ATP8A2: variants seen among roughly 807,000 people sequenced by gnomAD.
The protein encoded by ATP8A2 is ATPase phospholipid transporting 8A2.
ATP8A2 carries 100 observed loss-of-function variants against 165.6 expected under a neutral mutation model. The ratio of observed to expected loss-of-function variants is 0.60; its 90% CI spans 0.51 to 0.71. The LOEUF (loss-of-function observed/expected upper bound fraction) is 0.71. Among genes scored for constraint, ATP8A2 ranks in the 30% least tolerant of loss-of-function variants. ATP8A2 has a pLI of 0.00. For missense variants in ATP8A2, 1,227 were observed against 1,479.5 expected, an observed-to-expected ratio of 0.83 and a Z score of 2.80; for synonymous variants, 543 against 548.8, an observed-to-expected ratio of 0.99 and a Z score of 0.15.
chr13:25,404,866 T>G (rs1038974574), intron 1 of ATP8A2, among the ~76,000 whole-genome samples: 1 of 151,276 alleles, frequency 6.6e-6, no homozygotes, highest in Admixed American at 6.6e-5. Flanking sequence ...GATGGAAGAG[T>G]AGCCCTGGGA....
intron 35 of ATP8A2, among the ~76,000 whole-genome samples, chr13:26,009,406 C>G (rs1262773366): frequency 6.6e-6 from 1 of 152,228 alleles, no homozygotes; most frequent in Non-Finnish European, 1.5e-5. Context: ...CAGCTCTGCC[C>G]TGCACTGAGG....
intron 30 of ATP8A2, among the ~76,000 whole-genome samples, chr13:25,857,762 G>C (rs1022474135): frequency 1.3e-5 from 2 of 151,648 alleles, no homozygotes; most frequent in African/African-American, 4.8e-5. Context: ...GTAGAGACAG[G>C]GTTTCACCAT....
At chr13:25,912,466 ATATAT>A (rs1309953255) in intron 33 of ATP8A2, among the ~76,000 whole-genome samples, 3 of 152,132 alleles carry the variant, frequency 2.0e-5, no homozygotes, top group African/African-American at 2.4e-5. Context: ...TTTCTTTGAG[ATATAT>A]TATACAGAGT....
intron 1 of ATP8A2, among the ~76,000 whole-genome samples, chr13:25,439,762 C>T (rs535253937): frequency 3.1e-4 from 47 of 152,016 alleles, no homozygotes; most frequent in South Asian, 2.7e-3. Flanking sequence ...AAAAATTAGC[C>T]GGTCATGATG....
intron 27 of ATP8A2, among the ~76,000 whole-genome samples, chr13:25,786,079 G>A (rs1347837246): frequency 3.9e-5 from 6 of 152,080 alleles, no homozygotes; most frequent in African/African-American, 4.8e-5. Context: ...AATGCAATTC[G>A]TCATTTTTTT....
chr13:25,849,132 C>G (rs1036400370), intron 30 of ATP8A2, among the ~76,000 whole-genome samples: 3 of 152,098 alleles, frequency 2.0e-5, no homozygotes, highest in Non-Finnish European at 4.4e-5. Flanking sequence ...GGTATCTGCT[C>G]TTGGACAAAA....
At chr13:25,480,939 C>T (rs921617498) in intron 2 of ATP8A2, among the ~76,000 whole-genome samples, 5 of 152,074 alleles carry the variant, frequency 3.3e-5, no homozygotes, top group African/African-American at 1.2e-4. Context: ...GGATCACTCG[C>T]GGTTAGGAGC....
At chr13:25,916,576 T>C (rs2139012615) in intron 33 of ATP8A2, among the ~76,000 whole-genome samples, 1 of 152,350 alleles carries the variant, frequency 6.6e-6, no homozygotes, top group East Asian at 1.9e-4. Flanking sequence ...TCGCGTCGGC[T>C]GTGCCATGGG....
At chr13:25,436,650 A>G (rs893403582) in intron 1 of ATP8A2, among the ~76,000 whole-genome samples, 1 of 152,138 alleles carries the variant, frequency 6.6e-6, no homozygotes, top group African/African-American at 2.4e-5. Flanking sequence ...GTTGAATGGT[A>G]GTTCTGTTTT....
At chr13:25,449,491 T>C (rs920274633) in intron 1 of ATP8A2, among the ~76,000 whole-genome samples, 6 of 152,208 alleles carry the variant, frequency 3.9e-5, no homozygotes, top group Non-Finnish European at 7.3e-5. Flanking sequence ...TGCTATAGAT[T>C]GTGGTGTATC....
rs1221135810 is a variant in ATP8A2, at chr13:25,933,909, C to G, written c.3184-27666C>G. 2.0e-5 allele frequency among the ~76,000 whole-genome samples: 3 copies of G among 152,236 alleles called. No homozygotes were observed. In the East Asian group the frequency reaches 5.8e-4, roughly 29 times the overall value. ...ACAGAGGAATTTATTGCCAAGATCA[C>G]AGCCACAGCAAGACCTGGAGGCAGG... On this transcript the variant is annotated intron_variant, in intron 33 of 36. Coordinates refer to ENST00000381655, the MANE Select transcript of ATP8A2 (RefSeq NM_016529.6).
rs567950151 is a variant in ATP8A2 at position 25,912,552 on chromosome 13, C to A, written c.3184-49023C>A. On this transcript the variant is annotated intron_variant, in intron 33 of 36. Transcript: ENST00000381655. ...AAAAGTAAATTTCAAAAGTTCTCTC[C>A]ACAAAAAGATGCGTATTTGATGTGA... 5.3e-5 allele frequency among the ~76,000 whole-genome samples: 8 copies of A among 152,184 alleles called. No individual in the cohort carries two copies. The South Asian group carries it at 1.7e-3, about 32-fold the overall frequency.
At chr13:25,755,100 A>G (rs1438733972) in intron 25 of ATP8A2, among the ~76,000 whole-genome samples, 1 of 152,176 alleles carries the variant, frequency 6.6e-6, no homozygotes, top group Non-Finnish European at 1.5e-5. Flanking sequence ...TGAGGAGACA[A>G]TGTTTGTGAC....
chr13:26,011,804 G>GC (rs1164122222), intron 35 of ATP8A2, among the ~76,000 whole-genome samples: 1 of 152,128 alleles, frequency 6.6e-6, no homozygotes. Context: ...GTGTGGTGAT[G>GC]CACACCTGGG....
chr13:25,684,913 G>C (rs560884381), intron 24 of ATP8A2, among the ~76,000 whole-genome samples: 1 of 152,302 alleles, frequency 6.6e-6, no homozygotes, highest in South Asian at 2.1e-4. Flanking sequence ...GAGCTCTTTT[G>C]AGTCTTGGGC....
intron 27 of ATP8A2, among the ~76,000 whole-genome samples, chr13:25,790,693 C>CA (rs113185440): frequency 0.032 from 2,926 of 92,548 alleles, 59 homozygotes; most frequent in African/African-American, 0.076. Context: ...GACCTTGTCT[C>CA]AAAAAAAAAA....
chr13:25,916,567 C>T (rs1345400486), intron 33 of ATP8A2, among the ~76,000 whole-genome samples: 5 of 152,194 alleles, frequency 3.3e-5, no homozygotes, highest in Admixed American at 1.3e-4. Flanking sequence ...ATAAAGTTAT[C>T]GCGTCGGCTG....
chr13:25,661,556 G>T (rs1475721158), intron 24 of ATP8A2, among the ~76,000 whole-genome samples: 1 of 152,086 alleles, frequency 6.6e-6, no homozygotes. Context: ...AGTAAAAATT[G>T]ACTTAAGTAA....
chr13:25,726,622 G>A (rs1380795998), intron 25 of ATP8A2, among the ~76,000 whole-genome samples: 1 of 151,904 alleles, frequency 6.6e-6, no homozygotes, highest in Non-Finnish European at 1.5e-5. Flanking sequence ...TCTCTCTGTG[G>A]ACACTTGGAA....
Sources: gnomAD v4.1 joint callset for allele counts (sites outside exome capture counted in the v4.1 genomes callset) on GRCh38, gnomAD v4.1.1 for gene constraint, MANE v1.5 for transcripts, NCBI Gene and HGNC (gene_info 2026-07-23, HGNC 2026-07-21) for gene names.